The following AQP7 variants were observed in gnomAD, a reference collection of about 807,000 sequenced individuals.
AQP7 encodes the protein aquaporin 7.
A neutral mutation model predicts 26.1 loss-of-function variants in AQP7; 22 were observed. That is an observed-to-expected ratio of 0.84 (90% confidence interval 0.60 to 1.20). The LOEUF (loss-of-function observed/expected upper bound fraction) is 1.20, where lower values mean the gene tolerates loss of function less well. Among genes scored for constraint, AQP7 ranks in the 50% most tolerant of loss-of-function variants. The pLI is 0.00. For synonymous variants in AQP7, 167 were observed against 181.7 expected (o/e 0.92, Z 0.65); for missense variants, 412 against 457.5 (o/e 0.90, Z 0.91).
rs756942412 is a variant in AQP7, at chr9:33,385,578, A to G, written c.743+71T>C. On this transcript the variant is annotated intron_variant, in intron 7 of 7. Coordinates refer to ENST00000297988, the MANE Select transcript of AQP7 (RefSeq NM_001170.3). The stretch of plus-strand genomic sequence containing the variant: ...ACCCTCCTGTGCTGCCCCTCACATC[A>G]CCCCCCACCCCTCAACACACAGGGG... 1.9e-6 allele frequency: 3 copies of G among 1,558,520 alleles called. No homozygotes were observed. In the East Asian group the frequency reaches 6.8e-5, roughly 35 times the overall value.
Position 33,395,030 on chromosome 9 carries a change from G to A in AQP7, c.144+48C>T, listed in dbSNP as rs775283438. ...GGGTCAGCATGGGGAGGGGGTCATGGACGGCCCTGGCGGAGCCCCACCCAC... is the reference window on the plus strand; with the variant it reads ...GGGTCAGCATGGGGAGGGGGTCATGAACGGCCCTGGCGGAGCCCCACCCAC... On this transcript the variant is annotated intron_variant, in intron 3 of 7. Coordinates refer to ENST00000297988, the MANE Select transcript of AQP7 (RefSeq NM_001170.3). The A allele has an allele frequency of 2.0e-6, 3 of 1,532,850 alleles. No individual in the cohort carries two copies. The African/African-American group carries it at 4.1e-5, about 21-fold the overall frequency. The allele number at this position is 1,532,850 out of a possible 1,614,324, so 95.0% of individuals were successfully genotyped here.
At chr9:33,398,614 A>G (rs1380791713) in intron 2 of AQP7, among the ~76,000 whole-genome samples, 1 of 152,160 alleles carries the variant, frequency 6.6e-6, no homozygotes, top group East Asian at 1.9e-4. Flanking sequence ...GCAGGTCCTG[A>G]CTAGTGTGGG....
At chr9:33,388,140 C>T (rs1191628040) in intron 3 of AQP7, among the ~76,000 whole-genome samples, 1 of 152,200 alleles carries the variant, frequency 6.6e-6, no homozygotes, top group Non-Finnish European at 1.5e-5. Context: ...TTCCCGTCAT[C>T]TCCGCGGGGG....
intron 2 of AQP7, among the ~76,000 whole-genome samples, chr9:33,398,022 G>T (rs1825974830): frequency 6.6e-6 from 1 of 152,236 alleles, no homozygotes; most frequent in Non-Finnish European, 1.5e-5. Context: ...TTACTATGCA[G>T]TGTGATGAGC....
At chr9:33,398,882 C>T (rs1826039910) in intron 2 of AQP7, among the ~76,000 whole-genome samples, 1 of 152,122 alleles carries the variant, frequency 6.6e-6, no homozygotes, top group South Asian at 2.1e-4. Flanking sequence ...AAGAAACTGG[C>T]AGCCAACCAG....
chr9:33,401,182 G>A lies in AQP7; in HGVS notation c.26+55C>T. 3 of 1,538,568 alleles carry A rather than the reference G, an allele frequency of 1.9e-6. No individual in the cohort carries two copies. The South Asian group carries it at 3.6e-5, about 18-fold the overall frequency. The stretch of plus-strand genomic sequence containing the variant: ...AGGATGGAACAGGGAGGGCACTGAA[G>A]TGGGCTGGGTGAAGGACAGGGGGCT... On this transcript the variant is annotated intron_variant, in intron 2 of 7. Coordinates refer to ENST00000297988, the MANE Select transcript of AQP7 (RefSeq NM_001170.3).
intron 2 of AQP7, 109 bp downstream of exon 2, chr9:33,401,128 T>G (rs4008530): frequency 1.6e-6 from 2 of 1,281,826 alleles, no homozygotes; most frequent in Admixed American, 2.0e-5. Context: ...GGAGGTCGAG[T>G]GGGGACAGCT....
At chr9:33,392,959 G>A (rs554069175) in intron 3 of AQP7, among the ~76,000 whole-genome samples, 1 of 152,334 alleles carries the variant, frequency 6.6e-6, no homozygotes, top group African/African-American at 2.4e-5. Context: ...CGGGCGAGGT[G>A]ACTCACGCCA....
chr9:33,401,672 C>T (rs2118889370), intron 1 of AQP7: 1 of 289,070 alleles, frequency 3.5e-6, no homozygotes, highest in South Asian at 3.9e-5. Context: ...CTGTCCAGGA[C>T]CTGCACACAC....
At chr9:33,389,320 C>T (rs374586631) in intron 3 of AQP7, among the ~76,000 whole-genome samples, 2 of 152,150 alleles carry the variant, frequency 1.3e-5, no homozygotes, top group Non-Finnish European at 1.5e-5. Flanking sequence ...TGAGCCACTG[C>T]GCCCTGTCCC....
At chr9:33,398,733 G>A (rs944231922) in intron 2 of AQP7, among the ~76,000 whole-genome samples, 1 of 152,006 alleles carries the variant, frequency 6.6e-6, no homozygotes, top group African/African-American at 2.4e-5. Flanking sequence ...GGAGGCAGCT[G>A]GTCATGTGGT....
At chr9:33,393,401 C>T (rs1461410930) in intron 3 of AQP7, among the ~76,000 whole-genome samples, 3 of 152,346 alleles carry the variant, frequency 2.0e-5, no homozygotes, top group African/African-American at 7.2e-5. Context: ...CCAAGGCCAA[C>T]TGGTCACTCA....
At chr9:33,392,121 C>A (rs1825464392) in intron 3 of AQP7, among the ~76,000 whole-genome samples, 1 of 152,100 alleles carries the variant, frequency 6.6e-6, no homozygotes, top group Non-Finnish European at 1.5e-5. Context: ...CAAGACCAGC[C>A]TTGACAACAT....
chr9:33,385,568 C>T (rs1187061689), intron 7 of AQP7, 81 bp downstream of exon 7: 3 of 1,528,740 alleles, frequency 2.0e-6, no homozygotes, highest in Non-Finnish European at 2.7e-6. Flanking sequence ...CCTGTGCTGC[C>T]CCTCACATCA....
At chr9:33,396,828 A>G (rs1205576774) in intron 2 of AQP7, among the ~76,000 whole-genome samples, 3 of 151,306 alleles carry the variant, frequency 2.0e-5, no homozygotes, top group Non-Finnish European at 4.4e-5. Context: ...TAGGCCAGGC[A>G]CAGTGTCTCA....
At position 33,385,169 on chromosome 9, in the gene AQP7, C is replaced by T; in HGVS notation, c.865G>A (p.Asp289Asn). ...TIPREPLKLE[D>N]SVAYEDHGIT... ...CCGTGGTCTTCATACGCCACAGAAT[C>T]CTCCAATTTCAGGGGCTCCCGTGGG... is the stretch of plus-strand genomic sequence containing the variant. The change falls in exon 8 of 8, where the codon GAT (aspartate) becomes AAT (asparagine). Residue 289 changes from aspartate (D) to asparagine (N), a missense_variant. Coordinates refer to ENST00000297988, the MANE Select transcript of AQP7 (RefSeq NM_001170.3). 2 of 1,611,980 alleles carry T rather than the reference C, an allele frequency of 1.2e-6. No homozygotes were observed. Among genetic ancestry groups the T allele is most frequent in the South Asian group, 1.1e-5 (1 of 90,988 alleles).
intron 3 of AQP7, among the ~76,000 whole-genome samples, chr9:33,388,952 G>A (rs12684236): frequency 6.6e-6 from 1 of 152,030 alleles, no homozygotes; most frequent in Non-Finnish European, 1.5e-5. Context: ...CATCTCCTGG[G>A]CCCAAGTGAT....
chr9:33,385,840 C>G lies in AQP7; in HGVS notation c.552G>C (p.Leu184=). ...NEAWLTGMLQ[L]CLFAITDQEN... Reference sequence around the variant, plus strand: ...CCTGGTCCGTGATGGCGAAGAGACACAGCTGGAGCATCCCGGTCAGCCACG... The same window carrying G: ...CCTGGTCCGTGATGGCGAAGAGACAGAGCTGGAGCATCCCGGTCAGCCACG... Residue 184 remains leucine (L), a synonymous_variant, in exon 7 of 8, where the codon CTG becomes CTC. Coordinates refer to ENST00000297988, the MANE Select transcript of AQP7 (RefSeq NM_001170.3). 6.2e-7 allele frequency: 1 copy of G among 1,610,272 alleles called. No individual in the cohort carries two copies. Among genetic ancestry groups the G allele is most frequent in the South Asian group, 1.1e-5 (1 of 90,992 alleles).
At chr9:33,401,047 C>A (rs1316556594) in intron 2 of AQP7, 190 bp downstream of exon 2, 2 of 653,312 alleles carry the variant, frequency 3.1e-6, no homozygotes, top group Non-Finnish European at 5.4e-6. Context: ...CACCCCAGGA[C>A]CCAGCCCAGG....
Sources: allele counts gnomAD v4.1 joint callset (sites outside exome capture counted in the v4.1 genomes callset), GRCh38; gene constraint gnomAD v4.1.1; transcripts MANE v1.5; gene names NCBI Gene and HGNC (gene_info 2026-07-23, HGNC 2026-07-21).